SYNDIG1: variants seen among roughly 807,000 people sequenced by gnomAD.
SYNDIG1 encodes the protein synapse differentiation-inducing gene protein 1.
In SYNDIG1, 9 loss-of-function variants were observed where a neutral mutation model predicts 19.4. The ratio of observed to expected loss-of-function variants is 0.46; its 90% CI spans 0.28 to 0.81. The LOEUF is 0.81. SYNDIG1 is among the 30% of genes least tolerant of loss of function. The probability of loss-of-function intolerance (pLI) is 0.12; values close to 1 mark genes in which losing one functional copy is unlikely to be tolerated. For missense variants in SYNDIG1, 311 were observed against 343.3 expected (o/e 0.91, Z 0.74); for synonymous variants, 141 against 145.9 (o/e 0.97, Z 0.24).
In SYNDIG1 at chr20:24,665,610, G is replaced by T; in HGVS notation, c.*106G>T. The T allele has an allele frequency of 1.4e-6, 2 of 1,474,394 alleles. No homozygotes were observed. The highest frequency in any genetic ancestry group is 2.6e-5 in the South Asian group (2 of 77,456). The allele number at this position is 1,474,394 out of a possible 1,614,324, so 91.3% of individuals were successfully genotyped here. On this transcript the variant is annotated 3_prime_UTR_variant, in exon 4 of 4. Coordinates refer to ENST00000376862, the MANE Select transcript of SYNDIG1 (RefSeq NM_024893.3). ...ACAGTACAAATGATTGCCAAATGAT[G>T]CCACGAAGCCCTGGGATTTCCTACC...
In SYNDIG1 at chr20:24,535,752, GT is replaced by G. The variant is rs144767938; in HGVS notation, c.-78-7262del. ...GCTGGGCAGATGATCTCGCAGAAGT[GT>G]TTTTTGTGTAAAATGCTGTGGGTTT... On this transcript the variant is annotated intron_variant, in intron 1 of 3. Coordinates refer to ENST00000376862, the MANE Select transcript of SYNDIG1 (RefSeq NM_024893.3). 2.3e-3 allele frequency among the ~76,000 whole-genome samples: 349 copies of G among 152,286 alleles called. 1 individual carries two copies. The highest frequency in any genetic ancestry group is 8.2e-3 in the African/African-American group (341 of 41,558).
At chr20:24,508,892 G>A (rs2056672196) in intron 1 of SYNDIG1, among the ~76,000 whole-genome samples, 1 of 152,212 alleles carries the variant, frequency 6.6e-6, no homozygotes, top group African/African-American at 2.4e-5. Context: ...AATCGAGGAT[G>A]TTACTACCAG....
chr20:24,581,478 G>A (rs1600677164), intron 2 of SYNDIG1, among the ~76,000 whole-genome samples: 1 of 152,032 alleles, frequency 6.6e-6, no homozygotes, highest in African/African-American at 2.4e-5. Context: ...GCTGCTTTCA[G>A]GAGTCTTGGA....
At chr20:24,625,866 A>G (rs887772828) in intron 3 of SYNDIG1, among the ~76,000 whole-genome samples, 3 of 152,256 alleles carry the variant, frequency 2.0e-5, no homozygotes, top group Non-Finnish European at 2.9e-5. Context: ...CCTGTTCTCA[A>G]TGAGCTGTTG....
chr20:24,641,910 T>A (rs1056112616), intron 3 of SYNDIG1, among the ~76,000 whole-genome samples: 4 of 152,196 alleles, frequency 2.6e-5, no homozygotes, highest in African/African-American at 9.7e-5. Context: ...CCTTAACTGG[T>A]TTCTCCTTTC....
chr20:24,654,825 T>C (rs776909400), intron 3 of SYNDIG1, among the ~76,000 whole-genome samples: 1 of 152,088 alleles, frequency 6.6e-6, no homozygotes, highest in Non-Finnish European at 1.5e-5. Flanking sequence ...GGTATAAAGA[T>C]GATGCTAGAC....
chr20:24,536,165 G>T (rs747594604), intron 1 of SYNDIG1, among the ~76,000 whole-genome samples: 2 of 152,164 alleles, frequency 1.3e-5, no homozygotes, highest in African/African-American at 2.4e-5. Flanking sequence ...AGAGGGGCGT[G>T]GCCATGCTGT....
chr20:24,506,852 G>C (rs752086220), intron 1 of SYNDIG1, among the ~76,000 whole-genome samples: 3 of 152,184 alleles, frequency 2.0e-5, no homozygotes, highest in Admixed American at 6.5e-5. Context: ...GTGAGGGGCA[G>C]GTTTGAGTCA....
intron 1 of SYNDIG1, among the ~76,000 whole-genome samples, chr20:24,498,817 C>A (rs2056367219): frequency 6.6e-6 from 1 of 152,164 alleles, no homozygotes; most frequent in African/African-American, 2.4e-5. Flanking sequence ...ATTTGCCTAT[C>A]AGTGGGCCCT....
At position 24,648,343 on chromosome 20, in the gene SYNDIG1, G is replaced by C. The variant is rs1385873628; in HGVS notation, c.619-17003G>C. Among the ~76,000 whole-genome samples, 6 of 152,152 alleles carry C rather than the reference G, an allele frequency of 3.9e-5. No homozygotes were observed. The East Asian group carries it at 1.2e-3, about 29-fold the overall frequency. On this transcript the variant is annotated intron_variant, in intron 3 of 3. Coordinates refer to ENST00000376862, the MANE Select transcript of SYNDIG1 (RefSeq NM_024893.3). ...GCCATTGCCCTGCAGGGTGTGTCCT[G>C]GTGTCACCAAGGATCTGAGGACATA...
intron 1 of SYNDIG1, among the ~76,000 whole-genome samples, chr20:24,513,046 C>A (rs1258255740): frequency 6.6e-6 from 1 of 152,226 alleles, no homozygotes; most frequent in Non-Finnish European, 1.5e-5. Context: ...CAAACTCCAA[C>A]AGACCTGCAG....
At chr20:24,624,144 C>A (rs1395468929) in intron 3 of SYNDIG1, among the ~76,000 whole-genome samples, 1 of 151,834 alleles carries the variant, frequency 6.6e-6, no homozygotes, top group African/African-American at 2.4e-5. Flanking sequence ...TGCCTGTAGT[C>A]CCAGCTACTT....
chr20:24,639,857 G>A (rs2059353069), intron 3 of SYNDIG1, among the ~76,000 whole-genome samples: 1 of 152,092 alleles, frequency 6.6e-6, no homozygotes, highest in Non-Finnish European at 1.5e-5. Flanking sequence ...AATTAGCACT[G>A]CCTTATAAGC....
At position 24,630,421 on chromosome 20, in the gene SYNDIG1, T is replaced by C. The variant is rs574132139; in HGVS notation, c.619-34925T>C. Among the ~76,000 whole-genome samples the C allele has an allele frequency of 3.3e-5, 5 of 152,282 alleles. 1 individual carries two copies. The highest frequency in any genetic ancestry group is 9.6e-5 in the African/African-American group (4 of 41,546). On this transcript the variant is annotated intron_variant, in intron 3 of 3. Coordinates refer to ENST00000376862, the MANE Select transcript of SYNDIG1 (RefSeq NM_024893.3). ...TTTCCCTCCTTCCCACCTAGATATT[T>C]TCCCAAGAGAAATGAACTCAGAAAT...
intron 1 of SYNDIG1, among the ~76,000 whole-genome samples, chr20:24,478,627 A>C (rs1010431739): frequency 6.6e-6 from 1 of 152,272 alleles, no homozygotes; most frequent in Non-Finnish European, 1.5e-5. Context: ...AAACAGATGC[A>C]GACAGCTCCA....
intron 3 of SYNDIG1, among the ~76,000 whole-genome samples, chr20:24,621,591 T>A (rs73345371): frequency 1.2e-4 from 19 of 152,170 alleles, no homozygotes; most frequent in African/African-American, 4.3e-4. Context: ...ATCCTTTTTT[T>A]GGGGGAAAAC....
At chr20:24,622,622 C>G (rs2059056327) in intron 3 of SYNDIG1, among the ~76,000 whole-genome samples, 1 of 152,184 alleles carries the variant, frequency 6.6e-6, no homozygotes, top group African/African-American at 2.4e-5. Flanking sequence ...AATCTAATGC[C>G]TGATGACCTG....
At chr20:24,516,021 C>G (rs974716909) in intron 1 of SYNDIG1, among the ~76,000 whole-genome samples, 200 of 152,230 alleles carry the variant, frequency 1.3e-3, no homozygotes, top group African/African-American at 4.1e-3. Context: ...ACAGAGCCCT[C>G]AGAAATAATA....
chr20:24,590,136 G>A (rs1026012730), intron 3 of SYNDIG1, among the ~76,000 whole-genome samples: 1 of 152,240 alleles, frequency 6.6e-6, no homozygotes, highest in African/African-American at 2.4e-5. Flanking sequence ...CAGGGTGGCC[G>A]TGGCGGGGCT....
Sources: gnomAD v4.1 joint callset for allele counts (sites outside exome capture counted in the v4.1 genomes callset) on GRCh38, gnomAD v4.1.1 for gene constraint, MANE v1.5 for transcripts, NCBI Gene and HGNC (gene_info 2026-07-23, HGNC 2026-07-21) for gene names.